Variants in DTNA observed in about 807,000 individuals in gnomAD.
The protein encoded by DTNA is dystrophin-related protein 3.
DTNA carries 43 observed loss-of-function variants against 100.7 expected under a neutral mutation model. The ratio of observed to expected loss-of-function variants is 0.43; its 90% CI spans 0.33 to 0.55. DTNA has a LOEUF of 0.55. Among genes scored for constraint, DTNA ranks in the 20% least tolerant of loss-of-function variants. DTNA has a pLI of 0.04. For missense variants in DTNA, 798 were observed against 953.9 expected, an observed-to-expected ratio of 0.84 and a Z score of 2.15; for synonymous variants, 349 against 347.9, an observed-to-expected ratio of 1.00 and a Z score of -0.04.
At chr18:34,853,447 G>T (rs2096509318) in intron 15 of DTNA, among the ~76,000 whole-genome samples, 1 of 152,134 alleles carries the variant, frequency 6.6e-6, no homozygotes, top group Non-Finnish European at 1.5e-5. Context: ...AAAAAGGAGG[G>T]TGCAAACTCT....
chr18:34,636,710 C>G (rs2058706216), intron 1 of DTNA, among the ~76,000 whole-genome samples: 1 of 152,262 alleles, frequency 6.6e-6, no homozygotes, highest in East Asian at 1.9e-4. Flanking sequence ...CTTTGAGGAA[C>G]AGAACCATAC....
At chr18:34,887,743 A>T in intron 22 of DTNA, 23 bp from the exon 23 acceptor site, 1 of 985,494 alleles carries the variant, frequency 1.0e-6, no homozygotes, top group Non-Finnish European at 1.2e-6. Context: ...CTTTAAAAAA[A>T]ATTACACATT....
At chr18:34,684,369 A>G (rs908187732) in intron 1 of DTNA, among the ~76,000 whole-genome samples, 3 of 151,714 alleles carry the variant, frequency 2.0e-5, no homozygotes, top group Admixed American at 6.6e-5. Context: ...TCATTGTTCA[A>G]CTCTCACTTA....
intron 1 of DTNA, among the ~76,000 whole-genome samples, chr18:34,528,544 C>T (rs1183966659): frequency 6.6e-6 from 1 of 151,932 alleles, no homozygotes; most frequent in East Asian, 1.9e-4. Flanking sequence ...AGGATATACT[C>T]CGGATAACTG....
chr18:34,598,727 G>A (rs1406369762), intron 1 of DTNA, among the ~76,000 whole-genome samples: 1 of 152,070 alleles, frequency 6.6e-6, no homozygotes, highest in African/African-American at 2.4e-5. Context: ...TTAGCCAGGT[G>A]TGGTGGTGGG....
rs985182925 is a variant in DTNA, at chr18:34,653,086, C to G, written c.-1-102890C>G. Among the ~76,000 whole-genome samples the G allele has an allele frequency of 7.9e-5, 12 of 152,240 alleles. No homozygotes were observed. In the South Asian group the frequency reaches 1.9e-3, roughly 24 times the overall value. Reference sequence around the variant, plus strand: ...AGGATTCCAAGATTTACATAAAAACCTGATGGGTGAATAGTATGTTTTTAC... The same window carrying G: ...AGGATTCCAAGATTTACATAAAAACGTGATGGGTGAATAGTATGTTTTTAC... On this transcript the variant is annotated intron_variant, in intron 1 of 19. Transcript: ENST00000283365.
At chr18:34,724,001 A>C (rs1402886608) in intron 1 of DTNA, among the ~76,000 whole-genome samples, 1 of 152,258 alleles carries the variant, frequency 6.6e-6, no homozygotes, top group Non-Finnish European at 1.5e-5. Flanking sequence ...GACACCTATC[A>C]AATGAGTGAA....
intron 1 of DTNA, among the ~76,000 whole-genome samples, chr18:34,610,371 A>G (rs969351874): frequency 6.6e-6 from 1 of 152,210 alleles, no homozygotes; most frequent in Non-Finnish European, 1.5e-5. Context: ...GTAATTATCC[A>G]GGACCAGAAC....
At chr18:34,831,575 C>T (rs1431866714) in intron 11 of DTNA, among the ~76,000 whole-genome samples, 1 of 152,142 alleles carries the variant, frequency 6.6e-6, no homozygotes, top group African/African-American at 2.4e-5. Context: ...TGAGACCAGC[C>T]TGGCCAATGT....
At chr18:34,861,206 C>A (rs2096620290) in intron 16 of DTNA, among the ~76,000 whole-genome samples, 1 of 151,996 alleles carries the variant, frequency 6.6e-6, no homozygotes, top group Non-Finnish European at 1.5e-5. Context: ...CTTTTAACGG[C>A]CGGGCGCGGT....
intron 1 of DTNA, among the ~76,000 whole-genome samples, chr18:34,662,016 C>T (rs1016313396): frequency 6.6e-6 from 1 of 152,050 alleles, no homozygotes; most frequent in East Asian, 1.9e-4. Flanking sequence ...ATAAACAAGG[C>T]ACAAACTCTT....
In DTNA at chr18:34,533,881, GTTGC is replaced by G. The variant is rs2043411520; in HGVS notation, c.-2+40370_-2+40373del. Among the ~76,000 whole-genome samples, 16 of 152,230 alleles carry G rather than the reference GTTGC, an allele frequency of 1.1e-4. No individual in the cohort carries two copies. The South Asian group carries it at 3.1e-3, about 30-fold the overall frequency. ...TAAACAAGAGCTTTAGCTTTTCTGT[GTTGC>G]TTAAATTTGGTGAGACGTTTTTGTT... On this transcript the variant is annotated intron_variant, in intron 1 of 19. Transcript: ENST00000283365.
intron 1 of DTNA, among the ~76,000 whole-genome samples, chr18:34,639,518 G>T (rs969992489): frequency 6.6e-6 from 1 of 152,182 alleles, no homozygotes; most frequent in Non-Finnish European, 1.5e-5. Context: ...GCCTATTTAA[G>T]TATGATAGTC....
chr18:34,529,262 T>C (rs1264939814), intron 1 of DTNA, among the ~76,000 whole-genome samples: 1 of 152,128 alleles, frequency 6.6e-6, no homozygotes, highest in African/African-American at 2.4e-5. Context: ...GTAAATATCA[T>C]GGTATAACTT....
intron 17 of DTNA, chr18:34,867,433 C>A (rs2096717601): frequency 8.2e-7 from 1 of 1,226,050 alleles, no homozygotes; most frequent in Admixed American, 4.2e-5. Flanking sequence ...ACACATACAG[C>A]CTGTATAATT....
intron 3 of DTNA, among the ~76,000 whole-genome samples, chr18:34,784,244 T>C (rs1252452131): frequency 1.3e-5 from 2 of 152,176 alleles, no homozygotes; most frequent in East Asian, 3.8e-4. Flanking sequence ...CTTTAGGAGA[T>C]TCAAATCTTT....
At chr18:34,539,079 A>G (rs891964244) in intron 1 of DTNA, among the ~76,000 whole-genome samples, 5 of 152,074 alleles carry the variant, frequency 3.3e-5, no homozygotes, top group African/African-American at 4.8e-5. Flanking sequence ...CATGTAAAAT[A>G]ATGAGTTATC....
intron 1 of DTNA, among the ~76,000 whole-genome samples, chr18:34,704,482 CACTG>C (rs1446642088): frequency 6.6e-6 from 1 of 152,236 alleles, no homozygotes; most frequent in African/African-American, 2.4e-5. Flanking sequence ...ACTCAGGGGA[CACTG>C]ACTGGGTGAT....
chr18:34,587,148 A>ATTTT lies in DTNA; in HGVS notation c.-2+93643_-2+93646dup, dbSNP rs773119244. Among the ~76,000 whole-genome samples the ATTTT allele has an allele frequency of 2.4e-3, 342 of 145,520 alleles. 1 individual carries two copies. Among genetic ancestry groups the ATTTT allele is most frequent in the African/African-American group, 7.2e-3 (284 of 39,598 alleles). ...AGGTAAATGCCACCATGCCTGGCTAATTTTTTTTTTTTGTAGAGATGGGGT... is the reference window on the plus strand; with the variant it reads ...AGGTAAATGCCACCATGCCTGGCTAATTTTTTTTTTTTTTTTGTAGAGATGGGGT... On this transcript the variant is annotated intron_variant, in intron 1 of 19. Coordinates refer to the DTNA transcript ENST00000283365.
Sources: gnomAD v4.1 joint callset for allele counts (sites outside exome capture counted in the v4.1 genomes callset) on GRCh38, gnomAD v4.1.1 for gene constraint, MANE v1.5 for transcripts, NCBI Gene and HGNC (gene_info 2026-07-23, HGNC 2026-07-21) for gene names.